The following CDYL variants were observed in gnomAD, a reference collection of about 807,000 sequenced individuals.
CDYL encodes chromodomain Y-like protein.
In CDYL, 8 loss-of-function variants were observed where a neutral mutation model predicts 47.3. That is an observed-to-expected ratio of 0.17 (90% CI 0.10 to 0.31). CDYL has a LOEUF of 0.31. CDYL is among the 10% of genes least tolerant of loss of function. CDYL has a pLI of 1.00. For synonymous variants in CDYL, 266 were observed against 265.0 expected, an observed-to-expected ratio of 1.00 and a Z score of -0.04; for missense variants, 471 against 701.4, an observed-to-expected ratio of 0.67 and a Z score of 3.71.
chr6:4,925,618 G>T (rs972504909), intron 2 of CDYL, among the ~76,000 whole-genome samples: 2 of 151,780 alleles, frequency 1.3e-5, no homozygotes, highest in African/African-American at 4.8e-5. Context: ...GGGTTTCACC[G>T]TGTCAGCCAG....
At chr6:4,870,055 T>A (rs1013501300) in intron 1 of CDYL, among the ~76,000 whole-genome samples, 14 of 152,182 alleles carry the variant, frequency 9.2e-5, no homozygotes, top group Non-Finnish European at 1.9e-4. Flanking sequence ...TTTTTTCTTT[T>A]AAAAATAATT....
chr6:4,793,766 G>C (rs1399455611), intron 1 of CDYL, among the ~76,000 whole-genome samples: 1 of 152,052 alleles, frequency 6.6e-6, no homozygotes, highest in African/African-American at 2.4e-5. Context: ...ATATTTTGAA[G>C]GTATTGCTGA....
At chr6:4,751,906 G>A (rs1033404864) in intron 3 of CDYL, among the ~76,000 whole-genome samples, 12 of 152,316 alleles carry the variant, frequency 7.9e-5, no homozygotes, top group African/African-American at 2.9e-4. Flanking sequence ...TGTCTTTCCT[G>A]CGACTGTTTT....
chr6:4,950,627 A>C (rs1219677107), intron 5 of CDYL, among the ~76,000 whole-genome samples: 1 of 152,092 alleles, frequency 6.6e-6, no homozygotes, highest in Non-Finnish European at 1.5e-5. Context: ...GGGTTTCTAG[A>C]ACTTCTCCAG....
At chr6:4,734,823 A>C (rs748934350) in exon 3 of CDYL, 2 of 1,614,032 alleles carry the variant, frequency 1.2e-6, no homozygotes, top group African/African-American at 2.7e-5. Context: ...AAAGCGGGGC[A>C]CAGCAGCCTC....
intron 1 of CDYL, among the ~76,000 whole-genome samples, chr6:4,791,198 TA>T (rs1758907463): frequency 6.6e-6 from 1 of 152,346 alleles, no homozygotes; most frequent in East Asian, 1.9e-4. Flanking sequence ...TTGTCATCAA[TA>T]CCACTGTTCA....
intron 2 of CDYL, among the ~76,000 whole-genome samples, chr6:4,923,919 CA>C (rs1185001549): frequency 9.9e-4 from 111 of 112,586 alleles, no homozygotes; most frequent in East Asian, 1.3e-3. Context: ...AAAAAAAAAT[CA>C]AAAAAAAAAA....
intron 2 of CDYL, among the ~76,000 whole-genome samples, chr6:4,920,093 G>C (rs527806017): frequency 1.3e-5 from 2 of 152,160 alleles, no homozygotes; most frequent in African/African-American, 2.4e-5. Context: ...GTGACATAAG[G>C]CCATCTAAAA....
intron 3 of CDYL, among the ~76,000 whole-genome samples, chr6:4,748,597 G>C (rs1043213765): frequency 6.6e-6 from 1 of 151,672 alleles, no homozygotes; most frequent in African/African-American, 2.4e-5. Flanking sequence ...AGGAGCGTGG[G>C]AGGTATGGGG....
intron 1 of CDYL, among the ~76,000 whole-genome samples, chr6:4,825,494 TATC>T (rs1759957722): frequency 6.6e-6 from 1 of 152,202 alleles, no homozygotes; most frequent in Admixed American, 6.5e-5. Flanking sequence ...TAAATGTCCT[TATC>T]ATGTTGAGGA....
intron 1 of CDYL, among the ~76,000 whole-genome samples, chr6:4,781,486 G>C (rs1758617871): frequency 6.6e-6 from 1 of 152,198 alleles, no homozygotes; most frequent in Non-Finnish European, 1.5e-5. Flanking sequence ...AGGCAGTGAG[G>C]TCAAACATGC....
At chr6:4,720,122 T>C (rs1415456961) in intron 2 of CDYL, among the ~76,000 whole-genome samples, 2 of 152,222 alleles carry the variant, frequency 1.3e-5, no homozygotes, top group Non-Finnish European at 2.9e-5. Context: ...AAGAGTTTCC[T>C]GGGAAAATCT....
At chr6:4,947,852 G>T (rs543676479) in intron 5 of CDYL, among the ~76,000 whole-genome samples, 45 of 152,338 alleles carry the variant, frequency 3.0e-4, no homozygotes, top group Middle Eastern at 3.4e-3. Flanking sequence ...ACTGCAGTTG[G>T]CCGTGGGGTT....
intron 2 of CDYL, among the ~76,000 whole-genome samples, chr6:4,903,658 G>T (rs2127495674): frequency 6.6e-6 from 1 of 152,220 alleles, no homozygotes; most frequent in Middle Eastern, 3.4e-3. Context: ...TGGAGCCCCA[G>T]GCTCACCTCC....
intron 2 of CDYL, among the ~76,000 whole-genome samples, chr6:4,915,164 A>C (rs1757521921): frequency 6.6e-6 from 1 of 152,036 alleles, no homozygotes; most frequent in African/African-American, 2.4e-5. Flanking sequence ...CCTTTCGATC[A>C]CCTCCCAGTG....
chr6:4,878,633 CTCTTA>C (rs1761680894), intron 1 of CDYL, among the ~76,000 whole-genome samples: 2 of 151,940 alleles, frequency 1.3e-5, no homozygotes, highest in South Asian at 4.2e-4. Flanking sequence ...TAGTGTTATT[CTCTTA>C]TATTTCGATA....
chr6:4,791,637 A>G (rs1440952371), intron 1 of CDYL, among the ~76,000 whole-genome samples: 2 of 151,916 alleles, frequency 1.3e-5, no homozygotes, highest in Non-Finnish European at 2.9e-5. Flanking sequence ...ACATGGTCTC[A>G]TTACCTTAGT....
intron 1 of CDYL, among the ~76,000 whole-genome samples, chr6:4,805,816 C>A (rs555132647): frequency 6.6e-6 from 1 of 152,348 alleles, no homozygotes; most frequent in South Asian, 2.1e-4. Context: ...GAGGGCGGCT[C>A]TTCTTTCCTT....
At chr6:4,837,576 T>G (rs1243458217) in intron 1 of CDYL, among the ~76,000 whole-genome samples, 1 of 149,346 alleles carries the variant, frequency 6.7e-6, no homozygotes, top group Non-Finnish European at 1.5e-5. Flanking sequence ...GCGATTCTCC[T>G]GCCTCAGCCT....
Sources: gnomAD v4.1 joint callset for allele counts (sites outside exome capture counted in the v4.1 genomes callset) on GRCh38, gnomAD v4.1.1 for gene constraint, MANE v1.5 for transcripts, NCBI Gene and HGNC (gene_info 2026-07-23, HGNC 2026-07-21) for gene names.